STX11: variants seen among roughly 807,000 people sequenced by gnomAD.
STX11 encodes the protein syntaxin-11.
Under a neutral mutation model 19.9 loss-of-function variants are expected in STX11, and 21 were observed. The observed-to-expected ratio is 1.06, with a 90% CI of 0.75 to 1.52. STX11 has a LOEUF of 1.52. STX11 is among the 40% of genes most tolerant of loss of function. The probability of loss-of-function intolerance (pLI) is 0.00; values close to 1 mark genes in which losing one functional copy is unlikely to be tolerated. For missense variants in STX11, 438 were observed against 405.9 expected, an observed-to-expected ratio of 1.08 and a Z score of -0.68; for synonymous variants, 193 against 174.4, an observed-to-expected ratio of 1.11 and a Z score of -0.84.
intron 1 of STX11, among the ~76,000 whole-genome samples, chr6:144,166,059 G>T (rs986021561): frequency 6.6e-6 from 1 of 152,130 alleles, no homozygotes; most frequent in Non-Finnish European, 1.5e-5. Context: ...TTTGCTTCTT[G>T]TTTGGAAATA....
chr6:144,151,601 G>A lies in STX11; in HGVS notation c.-6+898G>A, dbSNP rs1275858749. The stretch of plus-strand genomic sequence containing the variant: ...CCTGATGTTACAACATGCCAGTAAA[G>A]GTCACTGGGCTGATCTAAGATAACC... On this transcript the variant is annotated intron_variant, in intron 1 of 1. Coordinates refer to ENST00000367568, the MANE Select transcript of STX11 (RefSeq NM_003764.4). This position sits in a 1 kb window ranked among gnomAD's most constrained non-coding sequence, Gnocchi z 4.6. Among the ~76,000 whole-genome samples, 1 of 152,174 alleles carries A rather than the reference G, an allele frequency of 6.6e-6. No individual in the cohort carries two copies. Among genetic ancestry groups the A allele is most frequent in the African/African-American group, 2.4e-5 (1 of 41,432 alleles).
intron 1 of STX11, among the ~76,000 whole-genome samples, chr6:144,163,089 A>G (rs975178875): frequency 2.0e-5 from 3 of 152,212 alleles, no homozygotes; most frequent in Non-Finnish European, 2.9e-5. Context: ...GTAAATACAT[A>G]GAAAACTGAA....
chr6:144,182,429 C>A lies in STX11; in HGVS notation c.-5-4194C>A, dbSNP rs1327349297. Among the ~76,000 whole-genome samples the A allele has an allele frequency of 1.3e-5, 2 of 152,164 alleles. No individual in the cohort carries two copies. The highest frequency in any genetic ancestry group is 4.8e-5 in the African/African-American group (2 of 41,442). Reference sequence around the variant, plus strand: ...AGGCCCCCTTCCCTCCTTTACCACACCTCAATAGAGAATCTTTATGTCTCC... The same window carrying A: ...AGGCCCCCTTCCCTCCTTTACCACAACTCAATAGAGAATCTTTATGTCTCC... On this transcript the variant is annotated intron_variant, in intron 1 of 1. Coordinates refer to ENST00000367568, the MANE Select transcript of STX11 (RefSeq NM_003764.4). This position sits in a 1 kb window ranked among gnomAD's most constrained non-coding sequence, Gnocchi z 4.8.
upstream of STX11, among the ~76,000 whole-genome samples, chr6:144,148,937 G>C (rs1233703071): frequency 6.6e-6 from 1 of 152,136 alleles, no homozygotes; most frequent in African/African-American, 2.4e-5. Context: ...GAGGAATATT[G>C]GTCAGGTATT....
intron 1 of STX11, among the ~76,000 whole-genome samples, chr6:144,164,007 A>G (rs1180909314): frequency 6.6e-6 from 1 of 152,212 alleles, no homozygotes; most frequent in East Asian, 1.9e-4. Flanking sequence ...TTGCTTATCT[A>G]GAAAATATAC....
At chr6:144,186,254 C>A (rs1250500067) in intron 1 of STX11, among the ~76,000 whole-genome samples, 1 of 150,540 alleles carries the variant, frequency 6.6e-6, no homozygotes, top group Non-Finnish European at 1.5e-5. Context: ...CAACATGGCA[C>A]AGGTATACAT....
chr6:144,186,689 A>G lies in STX11; in HGVS notation c.62A>G (p.Asp21Gly). ...LSKQYDQQFP[D>G]GDDEFDSPHE... ...AAGCAATATGACCAGCAGTTCCCAG[A>G]CGGGGACGATGAGTTTGACTCGCCC... Residue 21 changes from aspartate to glycine, a missense_variant, in exon 2 of 2, where the codon GAC becomes GGC. Asp to Gly is a moderately conservative substitution (Grantham distance 94). Coordinates refer to ENST00000367568, the MANE Select transcript of STX11 (RefSeq NM_003764.4). The G allele has an allele frequency of 6.2e-7, 1 of 1,614,190 alleles. No individual in the cohort carries two copies. The highest frequency in any genetic ancestry group is 8.5e-7 in the Non-Finnish European group (1 of 1,180,046).
At chr6:144,142,716 T>C in the STX11 span, among the ~76,000 whole-genome samples, 2 of 152,126 alleles carry the variant, frequency 1.3e-5, no homozygotes, top group African/African-American at 4.8e-5. Context: ...GAATGATAGA[T>C]AGATACCAGA....
Position 144,187,480 on chromosome 6 carries a change from T to C in STX11, c.853T>C (p.Cys285Arg), listed in dbSNP as rs1186320128. ...CRTLCCFCCP[C>R]LK is the part of the protein sequence containing the mutation. ...GACCCTCTGCTGCTTCTGCTGTCCC[T>C]GCCTCAAGTAGCAGGCCGGCCCGGG... is the stretch of plus-strand genomic sequence containing the variant. Residue 285 changes from cysteine (C) to arginine (R), a missense_variant, in exon 2 of 2, where the codon TGC becomes CGC. Cys to Arg is a radical substitution (Grantham distance 180). Coordinates refer to ENST00000367568, the MANE Select transcript of STX11 (RefSeq NM_003764.4). This position sits in a 1 kb window ranked among gnomAD's most constrained non-coding sequence, Gnocchi z 5.6. 9 of 1,612,564 alleles carry C rather than the reference T, an allele frequency of 5.6e-6. No homozygotes were observed. Among genetic ancestry groups the C allele is most frequent in the Non-Finnish European group, 7.6e-6 (9 of 1,179,954 alleles).
At chr6:144,145,641 G>A (rs1276000284), upstream of STX11, among the ~76,000 whole-genome samples, 1 of 152,184 alleles carries the variant, frequency 6.6e-6, no homozygotes, top group African/African-American at 2.4e-5. Flanking sequence ...AGTGAAATAA[G>A]CCAGGCACAG....
Position 144,187,557 on chromosome 6 carries a change from G to C in STX11, c.*66G>C. 1 of 1,604,924 alleles carries C rather than the reference G, an allele frequency of 6.2e-7. No individual in the cohort carries two copies. The highest frequency in any genetic ancestry group is 8.5e-7 in the Non-Finnish European group (1 of 1,176,418). On this transcript the variant is annotated 3_prime_UTR_variant, in exon 2 of 2. Coordinates refer to ENST00000367568, the MANE Select transcript of STX11 (RefSeq NM_003764.4). This position sits in a 1 kb window ranked among gnomAD's most constrained non-coding sequence, Gnocchi z 5.6. ...AGCGCGCTGGGAAGGACGCACCAAA[G>C]CCGGGAGCTCTGCCCTGCAGGGAGT...
Position 144,176,336 on chromosome 6 carries a change from G to A in STX11, c.-5-10287G>A, listed in dbSNP as rs1801777205. Among the ~76,000 whole-genome samples the A allele has an allele frequency of 6.6e-6, 1 of 152,134 alleles. No individual in the cohort carries two copies. The highest frequency in any genetic ancestry group is 2.4e-5 in the African/African-American group (1 of 41,426). On this transcript the variant is annotated intron_variant, in intron 1 of 1. Transcript: ENST00000367568. The surrounding 1 kb of genome is among the most constrained non-coding windows in gnomAD (Gnocchi z 4.1). ...CCCAGACTTCTCTCTTACTCACTGG[G>A]TGAACTTAACTTCTCCGAGACCCAG...
rs530889870 is a variant in STX11 at position 144,191,326 on chromosome 6, T to C, written c.*3835T>C. Among the ~76,000 whole-genome samples, 21 of 149,918 alleles carry C rather than the reference T, an allele frequency of 1.4e-4. No homozygotes were observed. The highest frequency in any genetic ancestry group is 1.4e-3 in the East Asian group (7 of 5,110). ...TAAAAATGTCAGTCATTCAAAAATA[T>C]TTGAACTGTGACATCACAGAAGTAA... On this transcript the variant is annotated 3_prime_UTR_variant, in exon 2 of 2. Coordinates refer to ENST00000367568, the MANE Select transcript of STX11 (RefSeq NM_003764.4).
intron 1 of STX11, among the ~76,000 whole-genome samples, chr6:144,166,552 A>G (rs1279537482): frequency 1.6e-5 from 2 of 128,734 alleles, no homozygotes; most frequent in African/African-American, 6.1e-5. Context: ...TTTGAGAAAG[A>G]GTCTCACTCT....
Position 144,159,283 on chromosome 6 carries a change from A to G in STX11, c.-6+8580A>G, listed in dbSNP as rs1003617738. Among the ~76,000 whole-genome samples, 2 of 152,262 alleles carry G rather than the reference A, an allele frequency of 1.3e-5. No homozygotes were observed. The highest frequency in any genetic ancestry group is 2.9e-5 in the Non-Finnish European group (2 of 68,044). ...AGCTTATGGGCAAGCAGAGAAGATA[A>G]GTAACAATTGAATATGTTATCAAAC... On this transcript the variant is annotated intron_variant, in intron 1 of 1. Transcript: ENST00000367568. The surrounding 1 kb of genome is among the most constrained non-coding windows in gnomAD (Gnocchi z 4.3).
intron 1 of STX11, among the ~76,000 whole-genome samples, chr6:144,166,927 T>A (rs1801499990): frequency 1.3e-5 from 2 of 148,162 alleles, no homozygotes; most frequent in Non-Finnish European, 3.0e-5. Flanking sequence ...TTTACCTGAC[T>A]TCACCTGCAC....
chr6:144,156,458 C>T (rs896004865), intron 1 of STX11, among the ~76,000 whole-genome samples: 1 of 152,152 alleles, frequency 6.6e-6, no homozygotes, highest in East Asian at 1.9e-4. Flanking sequence ...ACTTGTTTTA[C>T]TTGTTTCCCT....
rs755682422 is a variant in STX11 at position 144,187,026 on chromosome 6, C to G, written c.399C>G (p.Asn133Lys). The G allele has an allele frequency of 2.5e-6, 4 of 1,612,084 alleles. No homozygotes were observed. The highest frequency in any genetic ancestry group is 3.4e-6 in the Non-Finnish European group (4 of 1,179,880). ...AVARISRAQY[N>K]ALTLTFQRAM... ...CGCGCATTTCGCGGGCGCAGTACAA[C>G]GCGCTCACCCTCACCTTCCAGCGCG... The change falls in exon 2 of 2, where the codon AAC becomes AAG. Residue 133 changes from asparagine (N) to lysine (K), a missense_variant. By Grantham distance (94) the Asn-to-Lys change is moderately conservative. Coordinates refer to ENST00000367568, the MANE Select transcript of STX11 (RefSeq NM_003764.4). The surrounding 1 kb of genome is among the most constrained non-coding windows in gnomAD (Gnocchi z 5.6).
At chr6:144,143,366 A>T in the STX11 span, among the ~76,000 whole-genome samples, 1,001 of 152,304 alleles carry the variant, frequency 6.6e-3, 13 homozygotes, top group African/African-American at 0.02. Context: ...CCAAAGGGAA[A>T]TGGATAGCAT....
Sources: allele counts gnomAD v4.1 joint callset (sites outside exome capture counted in the v4.1 genomes callset), GRCh38; gene constraint gnomAD v4.1.1; non-coding constraint Gnocchi (gnomAD v3.1); transcripts MANE v1.5; gene names NCBI Gene and HGNC (gene_info 2026-07-23, HGNC 2026-07-21).